Variants in NOTCH2 observed in about 807,000 individuals in gnomAD.
The protein encoded by NOTCH2 is notch receptor 2, also known as neurogenic locus notch homolog protein 2.
NOTCH2 carries 29 observed loss-of-function variants against 235.8 expected under a neutral mutation model. The ratio of observed to expected loss-of-function variants is 0.12; its 90% CI spans 0.09 to 0.17. The LOEUF is 0.17. Ranked by LOEUF, NOTCH2 falls within the 10% of genes least tolerant of loss-of-function variation. The probability of loss-of-function intolerance (pLI) is 1.00; values close to 1 mark genes in which losing one functional copy is unlikely to be tolerated. For synonymous variants in NOTCH2, 1,086 were observed against 1,141.5 expected, an observed-to-expected ratio of 0.95 and a Z score of 0.98; for missense variants, 2,285 against 3,150.2, an observed-to-expected ratio of 0.73 and a Z score of 6.57.
chr1:120,010,003 T>C (rs1653122526), intron 2 of NOTCH2, among the ~76,000 whole-genome samples: 1 of 152,172 alleles, frequency 6.6e-6, no homozygotes, highest in African/African-American at 2.4e-5. Flanking sequence ...TATCCTAATA[T>C]GTGCTGCCAC....
rs74557019 is a variant in NOTCH2, at chr1:119,970,856, T to C, written c.875-1112A>G. On this transcript the variant is annotated intron_variant, in intron 5 of 33. Coordinates refer to ENST00000256646, the MANE Select transcript of NOTCH2 (RefSeq NM_024408.4). ...CTAAAACATGACAAGTTGTTGAAAA[T>C]AAAAATATGTCAAGGTGTCCTTCAT... Among the ~76,000 whole-genome samples, 188 of 152,306 alleles carry C rather than the reference T, an allele frequency of 1.2e-3. 1 individual carries two copies. Among genetic ancestry groups the C allele is most frequent in the East Asian group, 6.0e-3 (31 of 5,178 alleles).
chr1:120,004,524 G>A lies in NOTCH2; in HGVS notation c.415+805C>T, dbSNP rs587621958. ...CGAATACAGACAGTGAAATTCCCTA[G>A]GGAGAGCTGTGATGTGGCTCAAAAG... On this transcript the variant is annotated intron_variant, in intron 3 of 33. Coordinates refer to ENST00000256646, the MANE Select transcript of NOTCH2 (RefSeq NM_024408.4). 2.8e-5 allele frequency among the ~76,000 whole-genome samples: 4 copies of A among 144,628 alleles called. No homozygotes were observed. In the Admixed American group the frequency reaches 2.8e-4, roughly 10 times the overall value. The allele number at this position is 144,628 out of a possible 152,430, so 94.9% of individuals were successfully genotyped here.
At chr1:119,965,384 G>A in intron 10 of NOTCH2, 69 bp downstream of exon 10, 1 of 1,174,270 alleles carries the variant, frequency 8.5e-7, no homozygotes, top group Non-Finnish European at 1.3e-6. Flanking sequence ...GCTAGCAGAG[G>A]ACAGGGACAA....
intron 5 of NOTCH2, chr1:119,976,306 A>C (rs1557829531): frequency 6.6e-6 from 1 of 151,776 alleles, no homozygotes; most frequent in Admixed American, 6.6e-5. Flanking sequence ...TACACAGGAG[A>C]CTTTCTATCA....
intron 23 of NOTCH2, among the ~76,000 whole-genome samples, chr1:119,928,507 G>T (rs1649547605): frequency 6.6e-6 from 1 of 152,156 alleles, no homozygotes; most frequent in Admixed American, 6.5e-5. Flanking sequence ...TAGACGTAAG[G>T]TTCCTTAAAA....
chr1:119,959,677 A>G (rs1650863020), intron 11 of NOTCH2, among the ~76,000 whole-genome samples, 175 bp from the exon 12 acceptor site: 2 of 152,218 alleles, frequency 1.3e-5, no homozygotes, highest in African/African-American at 4.8e-5. Context: ...AAGATACAGG[A>G]GGTCCAAAGG....
intron 5 of NOTCH2, among the ~76,000 whole-genome samples, chr1:119,979,218 C>G (rs1199341867): frequency 6.6e-6 from 1 of 151,906 alleles, no homozygotes; most frequent in African/African-American, 2.4e-5. Context: ...GAACACAAAA[C>G]AAAAAATGAA....
chr1:119,924,066 T>A, intron 25 of NOTCH2, 82 bp from the exon 26 acceptor site: 2 of 1,211,180 alleles, frequency 1.7e-6, no homozygotes, highest in Non-Finnish European at 2.4e-6. Context: ...GGAACTACTG[T>A]GGATTTTCCT....
At chr1:119,976,201 G>A (rs1389445275) in intron 5 of NOTCH2, 2 of 152,028 alleles carry the variant, frequency 1.3e-5, no homozygotes, top group African/African-American at 4.8e-5. Context: ...TTTCCAACCA[G>A]CAGTCACCCA....
Position 119,935,543 on chromosome 1 carries a change from G to A in NOTCH2, c.3584C>T (p.Pro1195Leu). The A allele has an allele frequency of 1.2e-6, 2 of 1,614,148 alleles. No homozygotes were observed. The highest frequency in any genetic ancestry group is 1.7e-6 in the Non-Finnish European group (2 of 1,180,010). ...AATACAGGTGCCTCCATTCTGGCAG[G>A]GCTGATTCTGGCACTCATCCACTTC... ...EYEVDECQNQPCQNGGTCIDL... is the reference protein window; with the variant it reads ...EYEVDECQNQLCQNGGTCIDL... Residue 1195 changes from proline (P) to leucine (L), a missense_variant, in exon 22 of 34, where the codon CCC (proline) becomes CTC (leucine). Physicochemically the swap from Pro to Leu is moderately conservative, Grantham distance 98. Around this residue, in one of 6 missense-constraint regions of NOTCH2, gnomAD observed 1,173 missense variants for 1,515.3 expected, o/e 0.77. Transcript: ENST00000256646.
intron 3 of NOTCH2, 83 bp downstream of exon 3, chr1:120,005,246 A>C: frequency 6.4e-7 from 1 of 1,569,620 alleles, no homozygotes; most frequent in African/African-American, 1.3e-5. Flanking sequence ...GACATTTAAG[A>C]GCCAGACACC....
chr1:119,994,436 G>T (rs1366280929), intron 4 of NOTCH2: 1 of 115,892 alleles, frequency 8.6e-6, no homozygotes, highest in African/African-American at 4.0e-5. Flanking sequence ...TTTATCCAAA[G>T]CTGAAGTCAT....
At chr1:119,925,914 T>G in intron 24 of NOTCH2, 104 bp from the exon 25 acceptor site, 2 of 1,337,298 alleles carry the variant, frequency 1.5e-6, no homozygotes, top group Non-Finnish European at 2.1e-6. Context: ...CCTTCTGTAC[T>G]TCCCGTTCAG....
chr1:119,956,398 G>A (rs1650702479), intron 12 of NOTCH2, among the ~76,000 whole-genome samples: 1 of 152,160 alleles, frequency 6.6e-6, no homozygotes, highest in African/African-American at 2.4e-5. Flanking sequence ...GAGCAATCCT[G>A]TATTTAGAAT....
At chr1:119,987,133 G>T in intron 4 of NOTCH2, 51 bp from the exon 5 acceptor site, 2 of 1,607,454 alleles carry the variant, frequency 1.2e-6, no homozygotes, top group South Asian at 1.1e-5. Flanking sequence ...CAGAAGAAAC[G>T]ACCTGCTCTG....
intron 31 of NOTCH2, 80 bp from the exon 32 acceptor site, chr1:119,918,633 C>T: frequency 7.0e-7 from 1 of 1,424,216 alleles, no homozygotes; most frequent in Non-Finnish European, 9.8e-7. Context: ...ACAAGGGCAT[C>T]AGAGCTGAGG....
At chr1:119,929,432 G>A (rs1310886868) in intron 22 of NOTCH2, among the ~76,000 whole-genome samples, 2 of 152,136 alleles carry the variant, frequency 1.3e-5, no homozygotes, top group African/African-American at 4.8e-5. Flanking sequence ...CTAGGGCTCC[G>A]CATGTACTCT....
In NOTCH2 at chr1:119,920,402, A is replaced by G. The variant is rs780904643; in HGVS notation, c.5311-5T>C. The G allele has an allele frequency of 6.2e-7, 1 of 1,614,008 alleles. No homozygotes were observed. Among genetic ancestry groups the G allele is most frequent in the Non-Finnish European group, 8.5e-7 (1 of 1,180,024 alleles). On this transcript the variant is annotated splice_region_variant and splice_polypyrimidine_tract_variant and intron_variant, in intron 29 of 33. Coordinates refer to ENST00000256646, the MANE Select transcript of NOTCH2 (RefSeq NM_024408.4). ...GAGTAAGGCCTCATCTTCAGCCTGA[A>G]AGGTGAAAACAATGCTCCCTATCAA...
chr1:120,007,765 C>G (rs1252759211), intron 2 of NOTCH2, among the ~76,000 whole-genome samples: 2 of 151,526 alleles, frequency 1.3e-5, no homozygotes, highest in East Asian at 3.9e-4. Context: ...ATACAATGCC[C>G]CATCCAAATC....
Sources: allele counts gnomAD v4.1 joint callset (sites outside exome capture counted in the v4.1 genomes callset), GRCh38; gene constraint gnomAD v4.1.1; regional missense constraint gnomAD v4.1.1; transcripts MANE v1.5; gene names NCBI Gene and HGNC (gene_info 2026-07-23, HGNC 2026-07-21).